The following GLCCI1 variants were observed in gnomAD, a reference collection of about 807,000 sequenced individuals.
GLCCI1 encodes glucocorticoid induced 1.
GLCCI1 carries 24 observed loss-of-function variants against 52.2 expected under a neutral mutation model. The observed-to-expected ratio is 0.46, with a 90% CI of 0.33 to 0.65. GLCCI1 has a LOEUF of 0.65. Among genes scored for constraint, GLCCI1 ranks in the 30% least tolerant of loss-of-function variants. GLCCI1 has a pLI of 0.02. For synonymous variants in GLCCI1, 310 were observed against 276.5 expected (o/e 1.12, Z -1.20); for missense variants, 704 against 701.5 (o/e 1.00, Z -0.04).
intron 3 of GLCCI1, among the ~76,000 whole-genome samples, chr7:8,040,525 A>AAC (rs58561376): frequency 0.05 from 7,242 of 145,214 alleles, 254 homozygotes; most frequent in African/African-American, 0.097. Flanking sequence ...AGATATAATT[A>AAC]ACACACACAC....
chr7:7,985,259 G>GGA (rs1395226047), intron 1 of GLCCI1, among the ~76,000 whole-genome samples: 2 of 151,838 alleles, frequency 1.3e-5, no homozygotes, highest in East Asian at 1.9e-4. Context: ...AAGGAAGGAG[G>GGA]GAGAGAGAGA....
chr7:8,082,678 C>T (rs1164545440), intron 6 of GLCCI1, among the ~76,000 whole-genome samples: 2 of 151,920 alleles, frequency 1.3e-5, no homozygotes, highest in Non-Finnish European at 2.9e-5. Flanking sequence ...AACATTAATA[C>T]CCCCAAAAAA....
chr7:7,990,479 A>C (rs1309750970), intron 1 of GLCCI1, among the ~76,000 whole-genome samples: 1 of 152,006 alleles, frequency 6.6e-6, no homozygotes, highest in African/African-American at 2.4e-5. Flanking sequence ...TTTGCCCTAC[A>C]CTTGTTTATG....
intron 1 of GLCCI1, among the ~76,000 whole-genome samples, chr7:7,977,331 A>G (rs996643852): frequency 5.3e-5 from 8 of 152,226 alleles, no homozygotes; most frequent in Non-Finnish European, 8.8e-5. Flanking sequence ...GACTTGTGCT[A>G]TAACTGATTC....
chr7:7,986,973 T>G (rs1780750096), intron 1 of GLCCI1, among the ~76,000 whole-genome samples: 1 of 152,244 alleles, frequency 6.6e-6, no homozygotes, highest in African/African-American at 2.4e-5. Context: ...TATTACTTCT[T>G]GCTTGGACTT....
chr7:8,073,249 A>C (rs530341974), intron 6 of GLCCI1, among the ~76,000 whole-genome samples: 2 of 152,060 alleles, frequency 1.3e-5, no homozygotes, highest in Non-Finnish European at 2.9e-5. Flanking sequence ...AAAAATAGTC[A>C]CCTTTATTAT....
intron 3 of GLCCI1, among the ~76,000 whole-genome samples, chr7:8,049,226 C>T (rs1295781162): frequency 1.3e-5 from 2 of 152,010 alleles, no homozygotes; most frequent in African/African-American, 2.4e-5. Flanking sequence ...GATAGGGTCT[C>T]CTTTTTAAAG....
intron 1 of GLCCI1, among the ~76,000 whole-genome samples, chr7:7,995,766 G>A (rs926282485): frequency 6.6e-6 from 1 of 152,130 alleles, no homozygotes; most frequent in Non-Finnish European, 1.5e-5. Context: ...TGGGGAGAGT[G>A]GGGAGGGATA....
intron 2 of GLCCI1, among the ~76,000 whole-genome samples, chr7:8,013,991 CT>C (rs561039125): frequency 4.5e-4 from 60 of 133,270 alleles, no homozygotes; most frequent in East Asian, 3.8e-3. Context: ...AAGGCCTTGA[CT>C]TTTTTTTTTT....
intron 3 of GLCCI1, among the ~76,000 whole-genome samples, chr7:8,050,896 CAT>C (rs1414435041): frequency 1.3e-5 from 2 of 152,170 alleles, no homozygotes; most frequent in Non-Finnish European, 2.9e-5. Flanking sequence ...GTACCTATCT[CAT>C]GTGCTTTTGT....
intron 1 of GLCCI1, among the ~76,000 whole-genome samples, chr7:7,972,574 C>G (rs1365182088): frequency 6.6e-6 from 1 of 152,040 alleles, no homozygotes; most frequent in African/African-American, 2.4e-5. Flanking sequence ...TTTTATGATT[C>G]TTTTACCAAA....
At position 7,969,212 on chromosome 7, in the gene GLCCI1, A is replaced by T; in HGVS notation, c.-139A>T. 4 of 512,030 alleles carry T rather than the reference A, an allele frequency of 7.8e-6. No homozygotes were observed. Among genetic ancestry groups the T allele is most frequent in the Non-Finnish European group, 1.0e-5 (4 of 385,494 alleles). 31.7% of individuals were successfully genotyped at this position (512,030 alleles called of 1,614,324 possible). ...TGCGTTGGGGAGGGGGAGCCCCGAG[A>T]CTCCTCCCCCACAGCGATACCCCCG... is the stretch of plus-strand genomic sequence containing the variant. On this transcript the variant is annotated 5_prime_UTR_variant, in exon 1 of 8. Coordinates refer to ENST00000223145, the MANE Select transcript of GLCCI1 (RefSeq NM_138426.4). The surrounding 1 kb of genome is among the most constrained non-coding windows in gnomAD (Gnocchi z 4.9).
At chr7:7,996,880 C>G (rs577731463) in intron 1 of GLCCI1, among the ~76,000 whole-genome samples, 1 of 152,220 alleles carries the variant, frequency 6.6e-6, no homozygotes, top group African/African-American at 2.4e-5. Context: ...AGATTCTACC[C>G]ACACTGAGAG....
At chr7:7,972,630 G>A (rs1307300231) in intron 1 of GLCCI1, among the ~76,000 whole-genome samples, 4 of 152,076 alleles carry the variant, frequency 2.6e-5, no homozygotes, top group Admixed American at 2.6e-4. Flanking sequence ...ATCATTATCT[G>A]CGTCTTAAGC....
intron 2 of GLCCI1, among the ~76,000 whole-genome samples, chr7:8,011,787 T>TTTC (rs1409208629): frequency 6.6e-6 from 1 of 151,392 alleles, no homozygotes; most frequent in African/African-American, 2.5e-5. Flanking sequence ...CCAGTTGTTT[T>TTTC]TTCTTGTTGT....
chr7:8,034,118 T>G (rs770058596), intron 3 of GLCCI1, among the ~76,000 whole-genome samples: 1 of 152,168 alleles, frequency 6.6e-6, no homozygotes, highest in Non-Finnish European at 1.5e-5. Context: ...GTGGTCAGTT[T>G]ATTTTAGCCA....
intron 1 of GLCCI1, among the ~76,000 whole-genome samples, chr7:7,983,475 G>T (rs971108569): frequency 6.6e-6 from 1 of 152,030 alleles, no homozygotes; most frequent in African/African-American, 2.4e-5. Context: ...CATTTATCTT[G>T]ATGTTTTTAT....
At chr7:8,052,564 C>T (rs1392632751) in intron 3 of GLCCI1, among the ~76,000 whole-genome samples, 1 of 152,212 alleles carries the variant, frequency 6.6e-6, no homozygotes, top group African/African-American at 2.4e-5. Context: ...ACCTTAACTA[C>T]TGTGTGTAAT....
At chr7:7,992,994 G>A (rs1486776575) in intron 1 of GLCCI1, among the ~76,000 whole-genome samples, 1 of 151,884 alleles carries the variant, frequency 6.6e-6, no homozygotes, top group Non-Finnish European at 1.5e-5. Context: ...TTTCATCACT[G>A]TTGTCATTTA....
Sources: gnomAD v4.1 joint callset for allele counts (sites outside exome capture counted in the v4.1 genomes callset) on GRCh38, gnomAD v4.1.1 for gene constraint, Gnocchi (gnomAD v3.1) non-coding constraint, MANE v1.5 for transcripts, NCBI Gene and HGNC (gene_info 2026-07-23, HGNC 2026-07-21) for gene names.